AGMO: variants seen among roughly 807,000 people sequenced by gnomAD.
AGMO encodes the protein alkylglycerol monooxygenase.
AGMO carries 75 observed loss-of-function variants against 60.2 expected under a neutral mutation model. That is an observed-to-expected ratio of 1.25 (90% CI 1.03 to 1.51). The LOEUF (loss-of-function observed/expected upper bound fraction) is 1.51. Among genes scored for constraint, AGMO ranks in the 40% most tolerant of loss-of-function variants. The pLI is 0.00. For missense variants in AGMO, 763 were observed against 525.5 expected (o/e 1.45, Z -4.42); for synonymous variants, 261 against 177.1 (o/e 1.47, Z -3.76).
At chr7:15,442,107 T>C (rs11770754) in intron 3 of AGMO, among the ~76,000 whole-genome samples, 19,943 of 152,212 alleles carry the variant, frequency 0.13, 1,379 homozygotes, top group Non-Finnish European at 0.14. Flanking sequence ...AAGTGCCAGA[T>C]TGAATCAGAA....
chr7:15,262,345 C>G (rs1330807850), intron 12 of AGMO, among the ~76,000 whole-genome samples: 1 of 151,954 alleles, frequency 6.6e-6, no homozygotes, highest in African/African-American at 2.4e-5. Context: ...AGTGACAAAG[C>G]TGAGATATTA....
the AGMO span, among the ~76,000 whole-genome samples, chr7:15,126,427 A>G: frequency 2.5e-4 from 38 of 152,112 alleles, no homozygotes; most frequent in Non-Finnish European, 4.4e-4. Context: ...ACTGTGCTCT[A>G]TTACTGCCTG....
intron 3 of AGMO, among the ~76,000 whole-genome samples, chr7:15,488,349 T>C (rs574756694): frequency 6.6e-6 from 1 of 152,348 alleles, no homozygotes; most frequent in South Asian, 2.1e-4. Context: ...CCAGAAACTT[T>C]AATGCAAAAG....
chr7:15,192,392 G>A, the AGMO span, among the ~76,000 whole-genome samples: 11 of 152,076 alleles, frequency 7.2e-5, no homozygotes, highest in African/African-American at 2.4e-4. Flanking sequence ...AGAGGAGTTC[G>A]GCTGGGGATG....
At chr7:15,233,116 G>T (rs1010822381) in intron 12 of AGMO, among the ~76,000 whole-genome samples, 1 of 152,126 alleles carries the variant, frequency 6.6e-6, no homozygotes, top group African/African-American at 2.4e-5. Context: ...AAAAAGGCAA[G>T]AATTCTAAGA....
intron 12 of AGMO, among the ~76,000 whole-genome samples, chr7:15,308,920 G>A (rs905807712): frequency 6.6e-6 from 1 of 152,150 alleles, no homozygotes; most frequent in Non-Finnish European, 1.5e-5. Context: ...AGACTTCAAA[G>A]TCCAGACTTG....
intron 12 of AGMO, among the ~76,000 whole-genome samples, chr7:15,270,162 T>C (rs533133602): frequency 6.6e-6 from 1 of 152,234 alleles, no homozygotes; most frequent in South Asian, 2.1e-4. Context: ...GGTAGTTCTA[T>C]TTTTAGTTCT....
intron 12 of AGMO, among the ~76,000 whole-genome samples, chr7:15,215,088 T>C (rs1028711902): frequency 6.6e-6 from 1 of 152,098 alleles, no homozygotes; most frequent in African/African-American, 2.4e-5. Context: ...TAGAGTAAGC[T>C]AATTTTAAAT....
At chr7:15,273,730 G>A (rs527902341) in intron 12 of AGMO, among the ~76,000 whole-genome samples, 93 of 152,162 alleles carry the variant, frequency 6.1e-4, no homozygotes, top group African/African-American at 1.8e-3. Context: ...CCATTTTCAC[G>A]GTATTGATTC....
chr7:15,425,475 C>T (rs1781034365), intron 4 of AGMO, among the ~76,000 whole-genome samples: 1 of 150,344 alleles, frequency 6.7e-6, no homozygotes. Context: ...TGCTCTGTCA[C>T]CCAGGCTGGA....
intron 12 of AGMO, among the ~76,000 whole-genome samples, chr7:15,321,548 A>G (rs190130248): frequency 5.9e-5 from 9 of 152,250 alleles, no homozygotes; most frequent in African/African-American, 2.2e-4. Flanking sequence ...GGAAATGGTA[A>G]GATAAAAAAG....
At chr7:15,242,508 G>A (rs1445657904) in intron 12 of AGMO, among the ~76,000 whole-genome samples, 1 of 152,150 alleles carries the variant, frequency 6.6e-6, no homozygotes, top group Non-Finnish European at 1.5e-5. Flanking sequence ...GAATACAAAA[G>A]ATTGGTGAGG....
chr7:15,123,739 A>AT, the AGMO span, among the ~76,000 whole-genome samples: 73 of 152,188 alleles, frequency 4.8e-4, no homozygotes, highest in East Asian at 4.5e-3. Context: ...AAAAAGTGGT[A>AT]TTAAAAAAAA....
chr7:15,305,040 AATAT>A (rs1563077776), intron 12 of AGMO, among the ~76,000 whole-genome samples: 1 of 151,924 alleles, frequency 6.6e-6, no homozygotes, highest in Non-Finnish European at 1.5e-5. Flanking sequence ...TAATATTAAG[AATAT>A]ATAGTTATAT....
At chr7:15,463,086 A>G (rs1368919509) in intron 3 of AGMO, among the ~76,000 whole-genome samples, 2 of 152,286 alleles carry the variant, frequency 1.3e-5, no homozygotes, top group East Asian at 1.9e-4. Context: ...AGTACATTCC[A>G]TTGTCCTTTC....
chr7:15,433,203 C>T (rs1781304352), intron 3 of AGMO, among the ~76,000 whole-genome samples: 1 of 152,034 alleles, frequency 6.6e-6, no homozygotes, highest in African/African-American at 2.4e-5. Flanking sequence ...ATTAGAGAGT[C>T]ATAATATATA....
chr7:15,207,295 A>G (rs1026345131), intron 12 of AGMO, among the ~76,000 whole-genome samples: 1 of 152,196 alleles, frequency 6.6e-6, no homozygotes, highest in Non-Finnish European at 1.5e-5. Context: ...AATAGATGCT[A>G]CCTTTCTCAA....
chr7:15,480,039 C>T (rs774968478), intron 3 of AGMO, among the ~76,000 whole-genome samples: 2 of 151,928 alleles, frequency 1.3e-5, no homozygotes, highest in Non-Finnish European at 2.9e-5. Context: ...ACAAGAGAAA[C>T]GAGAAGGTGA....
At chr7:15,369,602 G>A (rs1022249904) in intron 10 of AGMO, among the ~76,000 whole-genome samples, 3 of 151,966 alleles carry the variant, frequency 2.0e-5, no homozygotes, top group African/African-American at 7.2e-5. Flanking sequence ...ACACAAAATA[G>A]TACTTCTCCA....
Sources: allele counts gnomAD v4.1 joint callset (sites outside exome capture counted in the v4.1 genomes callset), GRCh38; gene constraint gnomAD v4.1.1; transcripts MANE v1.5; gene names NCBI Gene and HGNC (gene_info 2026-07-23, HGNC 2026-07-21).